Variants in ABCD3 observed in about 807,000 individuals in gnomAD.
The protein encoded by ABCD3 is ATP-binding cassette sub-family D member 3.
Under a neutral mutation model 105.5 loss-of-function variants are expected in ABCD3, and 41 were observed. That is an observed-to-expected ratio of 0.39 (90% CI 0.30 to 0.50). The LOEUF is 0.50. Among genes scored for constraint, ABCD3 ranks in the 20% least tolerant of loss-of-function variants. The probability of loss-of-function intolerance (pLI) is 0.84; values close to 1 mark genes in which losing one functional copy is unlikely to be tolerated. For missense variants in ABCD3, 622 were observed against 806.3 expected, an observed-to-expected ratio of 0.77 and a Z score of 2.77; for synonymous variants, 258 against 269.0, an observed-to-expected ratio of 0.96 and a Z score of 0.40.
chr1:94,394,764 C>A, the ABCD3 span, among the ~76,000 whole-genome samples: 1 of 152,212 alleles, frequency 6.6e-6, no homozygotes, highest in South Asian at 2.1e-4. Flanking sequence ...GTACAAGAGA[C>A]CTAAAGTGTT....
At position 94,499,587 on chromosome 1, in the gene ABCD3, CAGT is replaced by C. The variant is rs1203606291; in HGVS notation, c.1714_1716del (p.Ser572del). 1 of 1,613,590 alleles carries C rather than the reference CAGT, an allele frequency of 6.2e-7. No homozygotes were observed. Among genetic ancestry groups the C allele is most frequent in the East Asian group, 2.2e-5 (1 of 44,824 alleles). On this transcript the variant is annotated inframe_deletion, in exon 20 of 23. Transcript: ENST00000370214. ...GTGTTCAGGATTGGATGGACGTACT[CAGT>C]GGTGGAGAAAAGCAAAGAATGGCGG...
chr1:94,488,088 G>T, intron 13 of ABCD3, 105 bp downstream of exon 13: 1 of 945,056 alleles, frequency 1.1e-6, no homozygotes, highest in African/African-American at 1.7e-5. Flanking sequence ...ACATTTCCTA[G>T]CCCAGGAAGG....
At chr1:94,395,905 TAC>T in the ABCD3 span, among the ~76,000 whole-genome samples, 1 of 151,500 alleles carries the variant, frequency 6.6e-6, no homozygotes, top group Non-Finnish European at 1.5e-5. Flanking sequence ...CACACACACA[TAC>T]ACACACACAG....
chr1:94,510,748 CCTT>C (rs1250416788), intron 21 of ABCD3, among the ~76,000 whole-genome samples: 1 of 152,134 alleles, frequency 6.6e-6, no homozygotes, highest in East Asian at 1.9e-4. Flanking sequence ...TATGTAATGG[CCTT>C]CTTTGTCTCT....
intron 4 of ABCD3, among the ~76,000 whole-genome samples, chr1:94,472,965 A>G (rs1299416874): frequency 6.6e-6 from 1 of 152,212 alleles, no homozygotes; most frequent in Non-Finnish European, 1.5e-5. Flanking sequence ...CTTTGTTCAA[A>G]TTTTTAATAA....
chr1:94,459,731 C>T (rs1647775623), intron 2 of ABCD3, among the ~76,000 whole-genome samples: 1 of 152,030 alleles, frequency 6.6e-6, no homozygotes, highest in Non-Finnish European at 1.5e-5. Flanking sequence ...TTCATCTCTC[C>T]AAAAAAATCC....
chr1:94,503,323 G>A (rs939518603), intron 20 of ABCD3, among the ~76,000 whole-genome samples: 3 of 152,082 alleles, frequency 2.0e-5, no homozygotes, highest in African/African-American at 7.2e-5. Context: ...AGGCATTGGT[G>A]GAATGCCCTC....
intron 1 of ABCD3, among the ~76,000 whole-genome samples, chr1:94,433,044 G>C (rs552623430): frequency 6.6e-6 from 1 of 151,898 alleles, no homozygotes; most frequent in African/African-American, 2.4e-5. Flanking sequence ...TTTCAGTAGA[G>C]ACAAGGTTTC....
chr1:94,506,527 T>G lies in ABCD3; in HGVS notation c.1741-11T>G. On this transcript the variant is annotated splice_polypyrimidine_tract_variant and intron_variant, in intron 20 of 22. Transcript: ENST00000370214. ...CTGTGTTTTACACAAAAAATTTTTT[T>G]TATGCTTCAGATGGCAAGATTATTT... is the stretch of plus-strand genomic sequence containing the variant. 3 of 1,605,082 alleles carry G rather than the reference T, an allele frequency of 1.9e-6. No individual in the cohort carries two copies. Among genetic ancestry groups the G allele is most frequent in the Non-Finnish European group, 2.6e-6 (3 of 1,172,846 alleles).
chr1:94,444,355 G>C lies in ABCD3; in HGVS notation c.111-14252G>C, dbSNP rs577008862. 1.9e-4 allele frequency among the ~76,000 whole-genome samples: 29 copies of C among 149,028 alleles called. No homozygotes were observed. The South Asian group carries it at 6.0e-3, about 31-fold the overall frequency. ...TCAAAAAAAAAAAAAAAAAAAAATG[G>C]AGTCCCACTGTGTTGTCCGGGCTGG... On this transcript the variant is annotated intron_variant, in intron 1 of 22. Transcript: ENST00000370214.
intron 1 of ABCD3, among the ~76,000 whole-genome samples, chr1:94,448,644 T>C (rs1452849068): frequency 6.6e-6 from 1 of 152,236 alleles, no homozygotes; most frequent in Admixed American, 6.5e-5. Context: ...TAATTGAAAA[T>C]GCTCAGTTAT....
chr1:94,414,568 T>C (rs372451165), upstream of ABCD3, among the ~76,000 whole-genome samples: 51 of 152,232 alleles, frequency 3.4e-4, no homozygotes, highest in African/African-American at 1.2e-3. Context: ...TCACTACTCT[T>C]TCCCCAGACC....
In ABCD3 at chr1:94,493,702, A is replaced by T. The variant is rs1570815276; in HGVS notation, c.1386+2455A>T. 8.5e-5 allele frequency among the ~76,000 whole-genome samples: 13 copies of T among 152,362 alleles called. No individual in the cohort carries two copies. The South Asian group carries it at 2.7e-3, about 32-fold the overall frequency. On this transcript the variant is annotated intron_variant, in intron 16 of 22. Coordinates refer to ENST00000370214, the MANE Select transcript of ABCD3 (RefSeq NM_002858.4). ...AGACTTGGAACCAACCCAAATGTCC[A>T]ACAATGATAGACTGGATAAAGAAAA...
At chr1:94,405,250 C>A in the ABCD3 span, among the ~76,000 whole-genome samples, 179 of 151,772 alleles carry the variant, frequency 1.2e-3, no homozygotes, top group African/African-American at 4.2e-3. Context: ...TTCATTCCTA[C>A]CAGCAATGCA....
chr1:94,418,722 T>C, intron 1 of ABCD3, 134 bp downstream of exon 1: 1 of 890,368 alleles, frequency 1.1e-6, no homozygotes, highest in Non-Finnish European at 1.7e-6. Context: ...GCGACTGCCG[T>C]GGGACTTCAA....
chr1:94,436,691 A>G (rs769898681), intron 1 of ABCD3, among the ~76,000 whole-genome samples: 4 of 152,182 alleles, frequency 2.6e-5, no homozygotes, highest in Non-Finnish European at 5.9e-5. Context: ...AATTCTCGTG[A>G]TATTTCAAAC....
chr1:94,510,839 G>C (rs1305100537), intron 21 of ABCD3, among the ~76,000 whole-genome samples: 1 of 151,732 alleles, frequency 6.6e-6, no homozygotes, highest in Non-Finnish European at 1.5e-5. Flanking sequence ...TTTTCCATTT[G>C]CTTGGTAGAT....
chr1:94,478,313 C>G lies in ABCD3; in HGVS notation c.682C>G (p.Gln228Glu), dbSNP rs1648861256. The G allele has an allele frequency of 1.2e-6, 2 of 1,600,074 alleles. 1 individual carries two copies. ...TAAGTTAACGAGTGCAATTGGAGCT[C>G]AGGTGAGTCTGCTTTTATTTCAACT... ...IFKLTSAIGA[Q>E]GPASMMAYLV... The change falls in exon 8 of 23, where the codon CAG becomes GAG. Residue 228 changes from glutamine to glutamate, a missense_variant and splice_region_variant. Gln to Glu is a conservative substitution (Grantham distance 29). Around this residue, in one of 4 missense-constraint regions of ABCD3, gnomAD observed 245 missense variants for 356.4 expected, o/e 0.69. Transcript: ENST00000370214.
chr1:94,514,896 G>T, intron 21 of ABCD3: 1 of 465,704 alleles, frequency 2.1e-6, no homozygotes. Context: ...GACATGATAG[G>T]AGATATGTTT....
Sources: allele counts gnomAD v4.1 joint callset (sites outside exome capture counted in the v4.1 genomes callset), GRCh38; gene constraint gnomAD v4.1.1; regional missense constraint gnomAD v4.1.1; transcripts MANE v1.5; gene names NCBI Gene and HGNC (gene_info 2026-07-23, HGNC 2026-07-21).